The following SEMA5A variants were observed in gnomAD, a reference collection of about 807,000 sequenced individuals.
SEMA5A encodes the protein semaphorin 5A.
In SEMA5A, 55 loss-of-function variants were observed where a neutral mutation model predicts 135.5. The ratio of observed to expected loss-of-function variants is 0.41; its 90% CI spans 0.33 to 0.51. The LOEUF (loss-of-function observed/expected upper bound fraction) is 0.51. Ranked by LOEUF, SEMA5A falls within the 20% of genes least tolerant of loss-of-function variation. The pLI, the probability that SEMA5A is intolerant of heterozygous loss-of-function variation, is 0.37. For missense variants in SEMA5A, 1,290 were observed against 1,419.9 expected, an observed-to-expected ratio of 0.91 and a Z score of 1.47; for synonymous variants, 580 against 546.5, an observed-to-expected ratio of 1.06 and a Z score of -0.85.
intron 3 of SEMA5A, among the ~76,000 whole-genome samples, chr5:9,338,502 G>A (rs781241906): frequency 2.0e-5 from 3 of 152,070 alleles, no homozygotes; most frequent in Non-Finnish European, 4.4e-5. Flanking sequence ...TAAAATGACA[G>A]TATTTGAGGA....
intron 11 of SEMA5A, among the ~76,000 whole-genome samples, chr5:9,180,981 G>A (rs1182001510): frequency 6.6e-6 from 1 of 152,168 alleles, no homozygotes; most frequent in East Asian, 1.9e-4. Context: ...ACCATAAAAA[G>A]ATACTCCTCT....
chr5:9,186,049 T>C (rs1744791578), intron 11 of SEMA5A, among the ~76,000 whole-genome samples: 1 of 152,180 alleles, frequency 6.6e-6, no homozygotes, highest in African/African-American at 2.4e-5. Context: ...GAGAACTCAA[T>C]AGCATATGAG....
chr5:9,481,515 T>C (rs1464349146), intron 1 of SEMA5A, among the ~76,000 whole-genome samples: 1 of 152,188 alleles, frequency 6.6e-6, no homozygotes, highest in African/African-American at 2.4e-5. Flanking sequence ...TAAACCAACA[T>C]AGTCCTGTTC....
At chr5:9,227,397 C>G (rs570951527) in intron 6 of SEMA5A, among the ~76,000 whole-genome samples, 8 of 152,306 alleles carry the variant, frequency 5.3e-5, no homozygotes, top group South Asian at 2.1e-4. Flanking sequence ...GCTCGGGAAG[C>G]AGTGCCTTGG....
intron 12 of SEMA5A, among the ~76,000 whole-genome samples, chr5:9,150,015 T>C (rs1412615372): frequency 6.6e-6 from 1 of 152,188 alleles, no homozygotes; most frequent in Non-Finnish European, 1.5e-5. Flanking sequence ...AATTAATTTA[T>C]TCATTGTAGA....
chr5:9,211,967 G>T (rs1041434876), intron 8 of SEMA5A, among the ~76,000 whole-genome samples: 1 of 152,170 alleles, frequency 6.6e-6, no homozygotes, highest in Admixed American at 6.5e-5. Context: ...GGACACTGTG[G>T]AGTTCCCTGG....
chr5:9,316,544 A>G (rs1752397207), intron 5 of SEMA5A, among the ~76,000 whole-genome samples: 1 of 152,210 alleles, frequency 6.6e-6, no homozygotes, highest in Non-Finnish European at 1.5e-5. Flanking sequence ...ATACCATGAG[A>G]ATCAAAATGA....
chr5:9,311,307 T>C (rs1334469902), intron 5 of SEMA5A, among the ~76,000 whole-genome samples: 1 of 151,986 alleles, frequency 6.6e-6, no homozygotes, highest in Non-Finnish European at 1.5e-5. Flanking sequence ...AGTTGAGAAC[T>C]TCTAGTCTAA....
intron 2 of SEMA5A, among the ~76,000 whole-genome samples, chr5:9,432,695 T>C (rs983874618): frequency 6.6e-6 from 1 of 152,180 alleles, no homozygotes; most frequent in African/African-American, 2.4e-5. Context: ...TGTACGCACA[T>C]CACAACAAAT....
intron 5 of SEMA5A, among the ~76,000 whole-genome samples, chr5:9,278,636 C>T (rs188311022): frequency 2.0e-4 from 31 of 152,286 alleles, no homozygotes; most frequent in African/African-American, 6.7e-4. Flanking sequence ...GTTTTGTGGG[C>T]GAGGCCCAGG....
At chr5:9,450,019 T>C (rs1176930428) in intron 1 of SEMA5A, among the ~76,000 whole-genome samples, 3 of 152,154 alleles carry the variant, frequency 2.0e-5, no homozygotes, top group Non-Finnish European at 4.4e-5. Flanking sequence ...TGGCTGTCCA[T>C]CCTGTTCATG....
At chr5:9,230,158 CTTTTTTTTT>C (rs5865817) in intron 6 of SEMA5A, among the ~76,000 whole-genome samples, 16 of 98,284 alleles carry the variant, frequency 1.6e-4, no homozygotes, top group Non-Finnish European at 2.0e-5. Context: ...CTATTTTTTT[CTTTTTTTTT>C]TTTTTTTTTT....
chr5:9,151,186 T>C lies in SEMA5A; in HGVS notation c.1481+3302A>G, dbSNP rs145549567. ...TATTGTCAGATATGTGAAAGAAATTTGTGAAATTGTATCAGTTATCATTTA... is the reference window on the plus strand; with the variant it reads ...TATTGTCAGATATGTGAAAGAAATTCGTGAAATTGTATCAGTTATCATTTA... On this transcript the variant is annotated intron_variant, in intron 12 of 22. Coordinates refer to ENST00000382496, the MANE Select transcript of SEMA5A (RefSeq NM_003966.3). Among the ~76,000 whole-genome samples, 537 of 152,330 alleles carry C rather than the reference T, an allele frequency of 3.5e-3. 2 individuals are homozygous for C. The highest frequency in any genetic ancestry group is 0.012 in the African/African-American group (518 of 41,578).
chr5:9,191,158 T>C (rs1443350425), intron 10 of SEMA5A, among the ~76,000 whole-genome samples: 1 of 148,124 alleles, frequency 6.8e-6, no homozygotes, highest in Non-Finnish European at 1.5e-5. Flanking sequence ...AGGAGAGGAG[T>C]GGGGAGAAGA....
intron 15 of SEMA5A, among the ~76,000 whole-genome samples, chr5:9,118,367 C>G (rs372077636): frequency 3.3e-4 from 51 of 152,268 alleles, no homozygotes; most frequent in African/African-American, 1.2e-3. Flanking sequence ...ATTACGATTG[C>G]AGAGGTTGAG....
chr5:9,500,929 A>G (rs1018307733), intron 1 of SEMA5A, among the ~76,000 whole-genome samples: 2 of 152,182 alleles, frequency 1.3e-5, no homozygotes, highest in Non-Finnish European at 2.9e-5. Flanking sequence ...TCTTTCATCA[A>G]TATCTTCAGA....
intron 12 of SEMA5A, among the ~76,000 whole-genome samples, chr5:9,149,575 T>C (rs547612451): frequency 6.6e-6 from 1 of 152,272 alleles, no homozygotes; most frequent in African/African-American, 2.4e-5. Context: ...ACTCGGAAGA[T>C]GGAGGTTGCA....
intron 13 of SEMA5A, among the ~76,000 whole-genome samples, chr5:9,125,105 A>C (rs1369936520): frequency 6.7e-6 from 1 of 148,536 alleles, no homozygotes; most frequent in Non-Finnish European, 1.5e-5. Context: ...ACCCAAATAC[A>C]ATAGGAACTA....
chr5:9,477,980 C>T (rs964915564), intron 1 of SEMA5A, among the ~76,000 whole-genome samples: 4 of 152,202 alleles, frequency 2.6e-5, no homozygotes, highest in African/African-American at 9.6e-5. Context: ...CCTTCCTGGG[C>T]CCAGGGTCCC....
Sources: allele counts gnomAD v4.1 joint callset (sites outside exome capture counted in the v4.1 genomes callset), GRCh38; gene constraint gnomAD v4.1.1; transcripts MANE v1.5; gene names NCBI Gene and HGNC (gene_info 2026-07-23, HGNC 2026-07-21).